RPS6KC1: variants seen among roughly 807,000 people sequenced by gnomAD.
RPS6KC1 encodes inactive ribosomal protein S6 kinase delta-1.
A neutral mutation model predicts 103.8 loss-of-function variants in RPS6KC1; 54 were observed. That is an observed-to-expected ratio of 0.52 (90% confidence interval 0.42 to 0.65). The LOEUF (loss-of-function observed/expected upper bound fraction) is 0.65. RPS6KC1 is among the 30% of genes least tolerant of loss of function. The pLI is 0.00. For missense variants in RPS6KC1, 1,151 were observed against 1,253.8 expected, an observed-to-expected ratio of 0.92 and a Z score of 1.24; for synonymous variants, 439 against 438.7, an observed-to-expected ratio of 1.00 and a Z score of -0.01.
the RPS6KC1 span, among the ~76,000 whole-genome samples, chr1:213,674,950 C>A: frequency 7.7e-3 from 1,167 of 152,246 alleles, 8 homozygotes; most frequent in Non-Finnish European, 0.011. Context: ...TGAGAAGTGT[C>A]TGTTCGTGTC....
chr1:213,428,479 TCCC>T, the RPS6KC1 span, among the ~76,000 whole-genome samples: 1 of 47,846 alleles, frequency 2.1e-5, no homozygotes, highest in Admixed American at 3.0e-4. Flanking sequence ...CCTCCCTCCC[TCCC>T]TTCCTTCCTT....
chr1:213,455,910 T>C, the RPS6KC1 span, among the ~76,000 whole-genome samples: 501 of 152,320 alleles, frequency 3.3e-3, 7 homozygotes, highest in African/African-American at 0.011. Flanking sequence ...TGCTTGAACA[T>C]AGCCGAAGGC....
At chr1:213,318,915 C>G in the RPS6KC1 span, among the ~76,000 whole-genome samples, 1 of 152,212 alleles carries the variant, frequency 6.6e-6, no homozygotes, top group Non-Finnish European at 1.5e-5. Flanking sequence ...CTAGGGCTCT[C>G]TCCTAAGGAG....
chr1:213,672,171 C>T, the RPS6KC1 span, among the ~76,000 whole-genome samples: 3,001 of 152,190 alleles, frequency 0.02, 103 homozygotes, highest in African/African-American at 0.069. Flanking sequence ...ACCTCTTGCC[C>T]GCCTGGTGAG....
At chr1:213,518,171 T>C in the RPS6KC1 span, among the ~76,000 whole-genome samples, 1 of 152,140 alleles carries the variant, frequency 6.6e-6, no homozygotes, top group Admixed American at 6.5e-5. Context: ...TCCAGAAAAG[T>C]CTATGTTGTC....
At chr1:213,673,137 G>A in the RPS6KC1 span, among the ~76,000 whole-genome samples, 2 of 152,124 alleles carry the variant, frequency 1.3e-5, no homozygotes, top group African/African-American at 4.8e-5. Flanking sequence ...TGAGCAGGGT[G>A]GACAGCAACT....
At chr1:213,156,307 TGAAAC>T (rs2089880882) in intron 6 of RPS6KC1, among the ~76,000 whole-genome samples, 1 of 151,824 alleles carries the variant, frequency 6.6e-6, no homozygotes, top group Non-Finnish European at 1.5e-5. Context: ...CTATCCAAAA[TGAAAC>T]AGTGAGATAA....
At chr1:213,567,790 T>A in the RPS6KC1 span, among the ~76,000 whole-genome samples, 1 of 152,228 alleles carries the variant, frequency 6.6e-6, no homozygotes, top group Non-Finnish European at 1.5e-5. Flanking sequence ...GGAGTTGAGA[T>A]TCTCCCAACA....
the RPS6KC1 span, among the ~76,000 whole-genome samples, chr1:213,699,341 A>C: frequency 1.3e-5 from 2 of 152,088 alleles, no homozygotes; most frequent in African/African-American, 4.8e-5. Flanking sequence ...GGCTTATTTC[A>C]CTTAACATAG....
chr1:213,637,194 G>A, the RPS6KC1 span, among the ~76,000 whole-genome samples: 719 of 152,276 alleles, frequency 4.7e-3, 6 homozygotes, highest in African/African-American at 0.016. Context: ...CATTGTGGAA[G>A]ACAGTGTGGC....
the RPS6KC1 span, among the ~76,000 whole-genome samples, chr1:213,793,240 C>T: frequency 6.6e-6 from 1 of 152,302 alleles, no homozygotes; most frequent in East Asian, 1.9e-4. Context: ...CTCCAGCCTC[C>T]TTCTCTCTCC....
chr1:213,250,953 C>A (rs1177991035), intron 12 of RPS6KC1, among the ~76,000 whole-genome samples: 1 of 152,070 alleles, frequency 6.6e-6, no homozygotes, highest in African/African-American at 2.4e-5. Context: ...CAAATGATCT[C>A]ACCAGCCCAC....
At chr1:213,739,985 A>G in the RPS6KC1 span, among the ~76,000 whole-genome samples, 10 of 152,188 alleles carry the variant, frequency 6.6e-5, no homozygotes, top group Non-Finnish European at 1.0e-4. Flanking sequence ...AGAGTGACCA[A>G]TCCAGGGTGG....
At chr1:213,861,781 A>G in the RPS6KC1 span, among the ~76,000 whole-genome samples, 2 of 152,156 alleles carry the variant, frequency 1.3e-5, no homozygotes, top group African/African-American at 2.4e-5. Flanking sequence ...TGATGTGAAC[A>G]TTTTACTGTC....
the RPS6KC1 span, among the ~76,000 whole-genome samples, chr1:213,573,011 G>T: frequency 6.6e-5 from 10 of 152,102 alleles, no homozygotes; most frequent in African/African-American, 2.4e-4. Flanking sequence ...GAAAAACAAT[G>T]TGATTTGGTT....
chr1:213,842,387 A>G, the RPS6KC1 span: 1 of 152,228 alleles, frequency 6.6e-6, no homozygotes, highest in South Asian at 2.1e-4. Context: ...CTCCACCACC[A>G]TATTTGTGCC....
the RPS6KC1 span, among the ~76,000 whole-genome samples, chr1:213,549,591 CTTCTTCTTCTTT>C: frequency 1.5e-4 from 19 of 127,170 alleles, no homozygotes; most frequent in African/African-American, 6.1e-4. Context: ...TCTTCTTCTT[CTTCTTCTTCTTT>C]TTCTTTTCCT....
chr1:213,137,152 G>A (rs1226828840), intron 6 of RPS6KC1, among the ~76,000 whole-genome samples: 1 of 151,966 alleles, frequency 6.6e-6, no homozygotes, highest in Non-Finnish European at 1.5e-5. Context: ...GTAGGATCCT[G>A]ACCTTTCTCT....
the RPS6KC1 span, among the ~76,000 whole-genome samples, chr1:213,701,626 A>G: frequency 6.6e-6 from 1 of 151,928 alleles, no homozygotes; most frequent in Admixed American, 6.6e-5. Flanking sequence ...GGATTTCTTC[A>G]TGGTTCAATC....
Sources: gnomAD v4.1 joint callset for allele counts (sites outside exome capture counted in the v4.1 genomes callset) on GRCh38, gnomAD v4.1.1 for gene constraint, MANE v1.5 for transcripts, NCBI Gene and HGNC (gene_info 2026-07-23, HGNC 2026-07-21) for gene names.